Variants in ATP9A observed in about 807,000 individuals in gnomAD.
The protein encoded by ATP9A is probable phospholipid-transporting ATPase IIA.
Under a neutral mutation model 144.1 loss-of-function variants are expected in ATP9A, and 52 were observed. That is an observed-to-expected ratio of 0.36 (90% CI 0.29 to 0.45). The LOEUF (loss-of-function observed/expected upper bound fraction) is 0.45. ATP9A is among the 20% of genes least tolerant of loss of function. ATP9A has a pLI of 1.00. For synonymous variants in ATP9A, 582 were observed against 557.4 expected (o/e 1.04, Z -0.62); for missense variants, 947 against 1,392.7 (o/e 0.68, Z 5.09).
intron 15 of ATP9A, among the ~76,000 whole-genome samples, chr20:51,638,884 T>A (rs2077306724): frequency 6.6e-6 from 1 of 151,990 alleles, no homozygotes; most frequent in Non-Finnish European, 1.5e-5. Flanking sequence ...ACTGGCAAAA[T>A]TTTTTAACGT....
intron 1 of ATP9A, among the ~76,000 whole-genome samples, chr20:51,753,769 C>G (rs1260957622): frequency 1.3e-5 from 2 of 150,908 alleles, no homozygotes; most frequent in Non-Finnish European, 3.0e-5. Flanking sequence ...CAGGTTCAAG[C>G]AATTCTCCTG....
chr20:51,604,136 C>G (rs1031012710), intron 27 of ATP9A, among the ~76,000 whole-genome samples: 1 of 152,174 alleles, frequency 6.6e-6, no homozygotes, highest in African/African-American at 2.4e-5. Context: ...CCCCATTTTT[C>G]TTTCTTGGTA....
rs1986120 is a variant in ATP9A, at chr20:51,651,861, G to T, written c.1506+5077C>A. 7.2e-5 allele frequency among the ~76,000 whole-genome samples: 11 copies of T among 151,984 alleles called. 1 individual carries two copies. Among genetic ancestry groups the T allele is most frequent in the African/African-American group, 2.7e-4 (11 of 41,462 alleles). The stretch of plus-strand genomic sequence containing the variant: ...GAAGAATGGTTTGAACCCGGGAGGC[G>T]GAGATTGCAGTGAGCCAAGATCACA... On this transcript the variant is annotated intron_variant, in intron 14 of 27. Coordinates refer to ENST00000338821, the MANE Select transcript of ATP9A (RefSeq NM_006045.3).
rs1261551247 is a variant in ATP9A at position 51,669,993 on chromosome 20, T to C, written c.1293+4A>G. The C allele has an allele frequency of 1.3e-5, 21 of 1,610,196 alleles. No homozygotes were observed. The highest frequency in any genetic ancestry group is 2.7e-5 in the African/African-American group (2 of 74,804). ...GTTTTGGGTGTTGAAATGGAAGGCT[T>C]TACCTGGGTGTAAATGCTGAAAATG... On this transcript the variant is annotated splice_donor_region_variant and intron_variant, in intron 13 of 27. Transcript: ENST00000338821.
chr20:51,741,675 C>G (rs1347152714), intron 1 of ATP9A, among the ~76,000 whole-genome samples: 1 of 152,236 alleles, frequency 6.6e-6, no homozygotes, highest in African/African-American at 2.4e-5. Flanking sequence ...TTCATACACA[C>G]ATGGGATTTC....
intron 1 of ATP9A, among the ~76,000 whole-genome samples, chr20:51,751,303 A>G (rs1460776597): frequency 3.2e-5 from 4 of 126,212 alleles, no homozygotes; most frequent in Admixed American, 2.0e-4. Context: ...ACTCCATCCC[A>G]TGCTGGAGTG....
intron 1 of ATP9A, among the ~76,000 whole-genome samples, chr20:51,747,098 GTTT>G (rs11467381): frequency 3.0e-4 from 41 of 138,684 alleles, no homozygotes; most frequent in African/African-American, 6.1e-4. Context: ...TGGGTTTTTC[GTTT>G]TTTTTTTTTT....
intron 14 of ATP9A, among the ~76,000 whole-genome samples, chr20:51,650,662 G>A (rs763999863): frequency 6.6e-6 from 1 of 152,154 alleles, no homozygotes; most frequent in Non-Finnish European, 1.5e-5. Flanking sequence ...CGCAGAGGAA[G>A]AAGCCTGGGA....
intron 4 of ATP9A, among the ~76,000 whole-genome samples, chr20:51,710,164 G>A (rs2426385): frequency 0.096 from 14,568 of 152,080 alleles, 878 homozygotes; most frequent in South Asian, 0.19. Context: ...TTAGCTGGGT[G>A]TAGTGGCATG....
intron 3 of ATP9A, among the ~76,000 whole-genome samples, chr20:51,721,613 C>T (rs2077689375): frequency 1.3e-5 from 2 of 151,960 alleles, no homozygotes; most frequent in African/African-American, 4.8e-5. Context: ...TCCTGGCTAA[C>T]ACAGGTGAAA....
chr20:51,631,480 C>T (rs936656804), intron 15 of ATP9A, among the ~76,000 whole-genome samples: 5 of 152,188 alleles, frequency 3.3e-5, no homozygotes, highest in African/African-American at 4.8e-5. Flanking sequence ...AGCTTCCTCA[C>T]TAAGAAAAGG....
chr20:51,674,120 C>T (rs1457658604), intron 11 of ATP9A, 33 bp downstream of exon 11: 18 of 1,604,020 alleles, frequency 1.1e-5, no homozygotes, highest in South Asian at 2.2e-5. Context: ...GAAGATGTCA[C>T]GGCAGCCAAA....
chr20:51,735,530 G>A (rs534318133), intron 1 of ATP9A, among the ~76,000 whole-genome samples: 7 of 152,206 alleles, frequency 4.6e-5, no homozygotes, highest in South Asian at 2.1e-4. Flanking sequence ...GCGCTTACCC[G>A]GTACAAAGTA....
intron 9 of ATP9A, among the ~76,000 whole-genome samples, chr20:51,685,691 G>A (rs1465997470): frequency 6.6e-6 from 1 of 152,188 alleles, no homozygotes; most frequent in African/African-American, 2.4e-5. Context: ...AGTTAGAATG[G>A]TGATCATTAA....
At chr20:51,767,072 TC>T (rs1285524914) in intron 1 of ATP9A, among the ~76,000 whole-genome samples, 4 of 60,444 alleles carry the variant, frequency 6.6e-5, no homozygotes, top group Admixed American at 3.0e-4. Context: ...CCAGCACCAT[TC>T]TTTTTTTTTT....
intron 9 of ATP9A, among the ~76,000 whole-genome samples, chr20:51,678,243 G>A (rs868075569): frequency 7.9e-5 from 12 of 152,198 alleles, no homozygotes; most frequent in Middle Eastern, 3.4e-3. Flanking sequence ...TCTCAGGGAA[G>A]ATCCCAGGAA....
intron 2 of ATP9A, among the ~76,000 whole-genome samples, chr20:51,727,005 T>C (rs144674311): frequency 5.9e-4 from 88 of 149,334 alleles, no homozygotes; most frequent in African/African-American, 2.1e-3. Flanking sequence ...AATAAAAAGT[T>C]ATGTCCAGCC....
At chr20:51,706,016 T>G (rs1017425091) in intron 4 of ATP9A, among the ~76,000 whole-genome samples, 1 of 152,182 alleles carries the variant, frequency 6.6e-6, no homozygotes, top group Non-Finnish European at 1.5e-5. Flanking sequence ...AATTTGTAAG[T>G]AGGAGGAAAG....
In ATP9A at chr20:51,625,326, G is replaced by A. The variant is rs547685626; in HGVS notation, c.1882C>T (p.Arg628Cys). 1.1e-5 allele frequency: 17 copies of A among 1,614,156 alleles called. No individual in the cohort carries two copies. The highest frequency in any genetic ancestry group is 1.6e-4 in the Middle Eastern group (1 of 6,062). Residue 628 changes from arginine to cysteine, a missense_variant, in exon 18 of 28, where the codon CGC (arginine) becomes TGC (cysteine). Arg to Cys is a radical substitution (Grantham distance 180, BLOSUM62 -3). Transcript: ENST00000338821. ...YVQAKLSVHD[R>C]SLKVATVIES... The stretch of plus-strand genomic sequence containing the variant: ...ATCACCGTGGCCACTTTGAGGGAGC[G>A]GTCGTGCACACTCAGCTTGGCCTGG...
Sources: allele counts gnomAD v4.1 joint callset (sites outside exome capture counted in the v4.1 genomes callset), GRCh38; gene constraint gnomAD v4.1.1; transcripts MANE v1.5; gene names NCBI Gene and HGNC (gene_info 2026-07-23, HGNC 2026-07-21).